The following C2CD5 variants were observed in gnomAD, a reference collection of about 807,000 sequenced individuals.
The protein encoded by C2CD5 is C2 domain-containing protein 5.
Under a neutral mutation model 130.3 loss-of-function variants are expected in C2CD5, and 109 were observed. The ratio of observed to expected loss-of-function variants is 0.84; its 90% CI spans 0.72 to 0.98. C2CD5 has a LOEUF of 0.98. C2CD5 is among the 50% of genes least tolerant of loss of function. The probability of loss-of-function intolerance (pLI) is 0.00; values close to 1 mark genes in which losing one functional copy is unlikely to be tolerated. For synonymous variants in C2CD5, 454 were observed against 429.2 expected (o/e 1.06, Z -0.71); for missense variants, 996 against 1,261.8 (o/e 0.79, Z 3.19).
intron 26 of C2CD5, among the ~76,000 whole-genome samples, chr12:22,452,060 G>A (rs558604971): frequency 6.6e-6 from 1 of 152,264 alleles, no homozygotes; most frequent in South Asian, 2.1e-4. Context: ...TAAGGTGCTA[G>A]TTAAGTCAGT....
At chr12:22,461,583 T>C (rs1259802364) in intron 22 of C2CD5, among the ~76,000 whole-genome samples, 1 of 152,052 alleles carries the variant, frequency 6.6e-6, no homozygotes, top group African/African-American at 2.4e-5. Context: ...ATGAATAGAG[T>C]ATCTTTGAAA....
At chr12:22,477,632 A>G (rs1944037460) in intron 15 of C2CD5, among the ~76,000 whole-genome samples, 1 of 152,024 alleles carries the variant, frequency 6.6e-6, no homozygotes, top group Non-Finnish European at 1.5e-5. Context: ...ATTATCAGAG[A>G]CTCATAAAAA....
intron 8 of C2CD5, 32 bp downstream of exon 8, chr12:22,517,950 AAAAG>A (rs1302681612): frequency 6.5e-7 from 1 of 1,544,950 alleles, no homozygotes; most frequent in Non-Finnish European, 8.7e-7. Context: ...AAATTTTTAA[AAAAG>A]AAAAAATAAA....
chr12:22,496,655 A>G (rs1028162995), intron 10 of C2CD5, among the ~76,000 whole-genome samples: 17 of 149,592 alleles, frequency 1.1e-4, no homozygotes, highest in Non-Finnish European at 2.1e-4. Flanking sequence ...TTAATTATAT[A>G]CAAATTAATA....
chr12:22,463,949 A>C (rs1043942218), intron 22 of C2CD5: 4 of 152,180 alleles, frequency 2.6e-5, no homozygotes, highest in African/African-American at 9.6e-5. Flanking sequence ...ACTGGGTTTT[A>C]TGTTTCTTTA....
At chr12:22,517,137 C>A (rs1298273724) in intron 8 of C2CD5, among the ~76,000 whole-genome samples, 7 of 151,666 alleles carry the variant, frequency 4.6e-5, no homozygotes, top group African/African-American at 9.7e-5. Flanking sequence ...TTATAAATTT[C>A]TTTTCTAACA....
chr12:22,473,091 A>C (rs573842101), intron 16 of C2CD5, among the ~76,000 whole-genome samples: 2 of 152,314 alleles, frequency 1.3e-5, no homozygotes, highest in East Asian at 1.9e-4. Flanking sequence ...CATCATAAGC[A>C]ATCATTATTC....
chr12:22,532,202 T>C (rs1479862582), intron 3 of C2CD5, among the ~76,000 whole-genome samples: 1 of 151,922 alleles, frequency 6.6e-6, no homozygotes, highest in Non-Finnish European at 1.5e-5. Flanking sequence ...TGGTGGCGCA[T>C]GACTGTACTC....
chr12:22,474,310 T>C (rs1943516046), intron 16 of C2CD5, among the ~76,000 whole-genome samples: 1 of 152,100 alleles, frequency 6.6e-6, no homozygotes, highest in South Asian at 2.1e-4. Flanking sequence ...TATCTTTTTA[T>C]AAAGATGGAT....
intron 3 of C2CD5, among the ~76,000 whole-genome samples, chr12:22,530,260 G>GTA (rs199626302): frequency 0.038 from 5,596 of 146,016 alleles, 360 homozygotes; most frequent in African/African-American, 0.13. Context: ...ATACAACTGT[G>GTA]TATATATATA....
At chr12:22,497,664 G>A (rs1267283457) in intron 10 of C2CD5, 2 of 731,048 alleles carry the variant, frequency 2.7e-6, no homozygotes, top group Non-Finnish European at 3.3e-6. Context: ...AGGTTCAAAG[G>A]AGTATATAAT....
chr12:22,458,532 G>T lies in C2CD5; in HGVS notation c.2638C>A (p.Leu880Ile). The T allele has an allele frequency of 7.6e-7, 1 of 1,309,642 alleles. No homozygotes were observed. Among genetic ancestry groups the T allele is most frequent in the South Asian group, 2.4e-5 (1 of 41,234 alleles). 81.1% of individuals were successfully genotyped at this position (1,309,642 alleles called of 1,614,324 possible). The change falls in exon 24 of 27, where the codon CTC becomes ATC. Residue 880 changes from leucine to isoleucine, a missense_variant. Leu to Ile is a conservative substitution (Grantham distance 5). Transcript: ENST00000446597. ...ATGGTCTGAGCTTTCAGTTTAATGA[G>T]CTCTATCCAGCTGCTGCATCTGTCT... Reference protein sequence around the residue: ...FADRCSSWIELIKLKAQTIRR... With the variant: ...FADRCSSWIEIIKLKAQTIRR...
rs1260939525 is a variant in C2CD5 at position 22,544,337 on chromosome 12, T to C, written c.-47A>G. 2.0e-6 allele frequency: 1 copy of C among 507,774 alleles called. No individual in the cohort carries two copies. Among genetic ancestry groups the C allele is most frequent in the African/African-American group, 2.1e-5 (1 of 48,060 alleles). 31.5% of individuals were successfully genotyped at this position (507,774 alleles called of 1,614,324 possible). On this transcript the variant is annotated 5_prime_UTR_variant, in exon 1 of 27. Transcript: ENST00000446597. ...CCACTCACTGTCGCAGGAGGAAGGG[T>C]GCTGTCCCGCGCGGGTGCTGAGACC...
intron 10 of C2CD5, among the ~76,000 whole-genome samples, chr12:22,501,503 T>C (rs1258294594): frequency 2.6e-5 from 4 of 152,176 alleles, no homozygotes; most frequent in Non-Finnish European, 4.4e-5. Flanking sequence ...CTTTCCACTA[T>C]ACTAATCTGC....
In C2CD5 at chr12:22,449,877, T is replaced by C. The variant is rs774116372; in HGVS notation, c.3039A>G (p.Ile1013Met). ...NPNKNQAQCL[I>M]NVSGDAVVFV... Reference sequence around the variant, plus strand: ...AAACCACTGCATCACCACTTACATTTATAAGACACTGTGCCTATAAGAACA... The same window carrying C: ...AAACCACTGCATCACCACTTACATTCATAAGACACTGTGCCTATAAGAACA... Residue 1013 changes from isoleucine (I) to methionine (M), a missense_variant, in exon 27 of 27, where the codon ATA (isoleucine) becomes ATG (methionine). Ile to Met is a conservative substitution (Grantham distance 10). Around this residue, in one of 9 missense-constraint regions of C2CD5, gnomAD observed 48 missense variants for 46.4 expected, o/e 1.03. Coordinates refer to ENST00000446597, the MANE Select transcript of C2CD5 (RefSeq NM_001286176.2). 6.2e-7 allele frequency: 1 copy of C among 1,609,060 alleles called. No individual in the cohort carries two copies. Among genetic ancestry groups the C allele is most frequent in the Non-Finnish European group, 8.5e-7 (1 of 1,176,134 alleles).
At chr12:22,522,475 T>C (rs1316558636) in intron 7 of C2CD5, among the ~76,000 whole-genome samples, 1 of 152,202 alleles carries the variant, frequency 6.6e-6, no homozygotes, top group African/African-American at 2.4e-5. Flanking sequence ...CAGAAGTGTT[T>C]TGCAGGATCA....
At chr12:22,494,087 T>C (rs1565724891) in intron 10 of C2CD5, among the ~76,000 whole-genome samples, 1 of 152,074 alleles carries the variant, frequency 6.6e-6, no homozygotes, top group Non-Finnish European at 1.5e-5. Flanking sequence ...GCACTATAAA[T>C]GAAGCATCTG....
rs368401629 is a variant in C2CD5 at position 22,471,359 on chromosome 12, A to G, written c.2358+40T>C. 5.3e-5 allele frequency: 56 copies of G among 1,051,264 alleles called. 1 individual carries two copies. In the East Asian group the frequency reaches 9.1e-4, roughly 17 times the overall value. The allele number at this position is 1,051,264 out of a possible 1,614,324, so 65.1% of individuals were successfully genotyped here. A position where few individuals can be genotyped will look rare whatever the true frequency, so the allele number is the denominator to read the frequency against. On this transcript the variant is annotated intron_variant, in intron 20 of 26. Coordinates refer to ENST00000446597, the MANE Select transcript of C2CD5 (RefSeq NM_001286176.2). ...AAACAGATAATGAAAATAATAAAAC[A>G]GATCAGATAAAGACTAATAATGGAC... is the stretch of plus-strand genomic sequence containing the variant.
At chr12:22,456,856 A>C in intron 25 of C2CD5, 115 bp downstream of exon 25, 2 of 607,612 alleles carry the variant, frequency 3.3e-6, no homozygotes, top group Non-Finnish European at 5.6e-6. Flanking sequence ...AGATAATTAA[A>C]ATATAAATAA....
Sources: allele counts gnomAD v4.1 joint callset (sites outside exome capture counted in the v4.1 genomes callset), GRCh38; gene constraint gnomAD v4.1.1; regional missense constraint gnomAD v4.1.1; transcripts MANE v1.5; gene names NCBI Gene and HGNC (gene_info 2026-07-23, HGNC 2026-07-21).